Variants in JAK2 observed in about 807,000 individuals in gnomAD.
JAK2 encodes the protein Janus kinase 2.
A neutral mutation model predicts 139.3 loss-of-function variants in JAK2; 86 were observed. The observed-to-expected ratio is 0.62, with a 90% CI of 0.52 to 0.74. JAK2 has a LOEUF of 0.74. Ranked by LOEUF, JAK2 falls within the 30% of genes least tolerant of loss-of-function variation. The probability of loss-of-function intolerance (pLI) is 0.00; values close to 1 mark genes in which losing one functional copy is unlikely to be tolerated. For missense variants in JAK2, 1,421 were observed against 1,360.3 expected, an observed-to-expected ratio of 1.04 and a Z score of -0.70; for synonymous variants, 490 against 437.7, an observed-to-expected ratio of 1.12 and a Z score of -1.49.
chr9:5,044,610 T>C (rs1816865722), intron 5 of JAK2, 90 bp downstream of exon 5: 2 of 774,682 alleles, frequency 2.6e-6, no homozygotes, highest in African/African-American at 1.8e-5. Context: ...ACTTTACATA[T>C]GGGAAAATTG....
At chr9:5,078,811 AT>A (rs886849055) in intron 16 of JAK2, among the ~76,000 whole-genome samples, 3 of 151,990 alleles carry the variant, frequency 2.0e-5, no homozygotes, top group Non-Finnish European at 4.4e-5. Flanking sequence ...AGATTTTAGG[AT>A]TTTTTTCTAT....
chr9:5,049,078 T>A (rs1817232906), intron 5 of JAK2, among the ~76,000 whole-genome samples: 1 of 152,220 alleles, frequency 6.6e-6, no homozygotes, highest in South Asian at 2.1e-4. Context: ...AATATATAGT[T>A]AATAAAGTTA....
chr9:5,023,845 C>G (rs898389918), intron 3 of JAK2, among the ~76,000 whole-genome samples: 2 of 150,766 alleles, frequency 1.3e-5, no homozygotes, highest in Non-Finnish European at 3.0e-5. Flanking sequence ...TGTGTGTAGT[C>G]TCTGAAATCT....
At chr9:5,076,660 A>G (rs908900821) in intron 14 of JAK2, among the ~76,000 whole-genome samples, 1 of 152,194 alleles carries the variant, frequency 6.6e-6, no homozygotes, top group African/African-American at 2.4e-5. Context: ...CAAACTGGTA[A>G]TATCTTCGAG....
At chr9:5,041,449 C>A in intron 4 of JAK2, 2 of 616,784 alleles carry the variant, frequency 3.2e-6, no homozygotes, top group Non-Finnish European at 6.2e-6. Context: ...GCAGCAGCCT[C>A]CCCTGGCAGG....
chr9:5,089,793 G>A lies in JAK2; in HGVS notation c.2691G>A (p.Arg897=), dbSNP rs746246584. Residue 897 remains arginine (R), a synonymous_variant, in exon 20 of 25, where the codon AGG becomes AGA. Coordinates refer to ENST00000381652, the MANE Select transcript of JAK2 (RefSeq NM_004972.4). ...AAGAGCACCTAAGAGACTTTGAAAG[G>A]GAAATTGAAATCCTGAAATCCCTAC... ...STEEHLRDFE[R]EIEILKSLQH... 2.5e-6 allele frequency: 4 copies of A among 1,598,150 alleles called. No homozygotes were observed. Among genetic ancestry groups the A allele is most frequent in the Admixed American group, 1.7e-5 (1 of 57,970 alleles).
rs1270315814 is a variant in JAK2, at chr9:5,054,698, G to T, written c.750G>T (p.Leu250Phe). The change falls in exon 7 of 25, where the codon TTG becomes TTT. Residue 250 changes from leucine (L) to phenylalanine (F), a missense_variant. Leu to Phe is a conservative substitution (Grantham distance 22, BLOSUM62 0). Transcript: ENST00000381652. This position sits in a 1 kb window ranked among gnomAD's most constrained non-coding sequence, Gnocchi z 4.9. ...AATGCAAAGCCACTGCCAGAAACTT[G>T]AAACTTAAGTATCTTATAAATCTGG... The part of the protein sequence containing the change: ...FSQCKATARN[L>F]KLKYLINLET... The T allele has an allele frequency of 7.4e-6, 12 of 1,613,374 alleles. No homozygotes were observed. The highest frequency in any genetic ancestry group is 1.0e-5 in the Non-Finnish European group (12 of 1,179,444).
chr9:5,000,048 A>G (rs1471155384), intron 2 of JAK2, among the ~76,000 whole-genome samples: 1 of 152,138 alleles, frequency 6.6e-6, no homozygotes, highest in African/African-American at 2.4e-5. Flanking sequence ...TATGTTGACC[A>G]TGTTTTCATT....
intron 23 of JAK2, among the ~76,000 whole-genome samples, chr9:5,124,986 A>G (rs1002957479): frequency 6.6e-6 from 1 of 151,552 alleles, no homozygotes; most frequent in Admixed American, 6.6e-5. Flanking sequence ...GTCTCTTAAT[A>G]TTACTTTTAT....
Position 5,089,736 on chromosome 9 carries a change from G to A in JAK2, c.2634G>A (p.Val878=), listed in dbSNP as rs575580495. The change falls in exon 20 of 25, where the codon GTG becomes GTA. Residue 878 remains valine (V), a synonymous_variant. Transcript: ENST00000381652. ...CTCTACAGGACAACACTGGGGAGGT[G>A]GTCGCTGTAAAAAAGCTTCAGCATA... ...YDPLQDNTGE[V]VAVKKLQHST... is the part of the protein sequence containing the mutation. 3.2e-6 allele frequency: 5 copies of A among 1,581,286 alleles called. No individual in the cohort carries two copies. In the African/African-American group the frequency reaches 4.1e-5, roughly 13 times the overall value.
intron 3 of JAK2, among the ~76,000 whole-genome samples, chr9:5,023,688 G>A (rs1020322232): frequency 1.3e-5 from 2 of 152,082 alleles, no homozygotes; most frequent in African/African-American, 4.8e-5. Context: ...CTCCTTCCTT[G>A]CTTTTCTGTT....
chr9:4,988,256 GT>G (rs1168723361), intron 2 of JAK2, among the ~76,000 whole-genome samples: 3 of 152,128 alleles, frequency 2.0e-5, no homozygotes, highest in Non-Finnish European at 4.4e-5. Flanking sequence ...TGTGTTTTGA[GT>G]TGGTTCATGG....
chr9:5,030,558 T>C (rs1823077004), intron 4 of JAK2, among the ~76,000 whole-genome samples: 1 of 152,146 alleles, frequency 6.6e-6, no homozygotes, highest in African/African-American at 2.4e-5. Context: ...TTTGGAGCAC[T>C]GAGAAGTAAT....
chr9:5,070,125 A>G (rs1221167263), intron 12 of JAK2, 73 bp downstream of exon 12: 3 of 1,064,526 alleles, frequency 2.8e-6, no homozygotes, highest in Admixed American at 5.0e-5. Flanking sequence ...ATTTACATTC[A>G]TGTGACATTG....
chr9:5,010,890 G>A (rs986525868), intron 2 of JAK2, among the ~76,000 whole-genome samples: 1 of 152,160 alleles, frequency 6.6e-6, no homozygotes, highest in Non-Finnish European at 1.5e-5. Context: ...CCAGTAGTAT[G>A]AGAATTATTT....
chr9:5,044,019 G>A (rs559512809), intron 4 of JAK2, among the ~76,000 whole-genome samples: 2 of 152,306 alleles, frequency 1.3e-5, no homozygotes. Flanking sequence ...TGAAGGACAA[G>A]TTTTTAACTT....
chr9:5,101,886 C>T (rs745425603), intron 22 of JAK2, among the ~76,000 whole-genome samples: 1 of 152,096 alleles, frequency 6.6e-6, no homozygotes, highest in Non-Finnish European at 1.5e-5. Context: ...ACACCAAAAC[C>T]CCATCTGTAG....
At chr9:5,103,220 GCA>G (rs1821662461) in intron 22 of JAK2, among the ~76,000 whole-genome samples, 1 of 6,904 alleles carries the variant, frequency 1.4e-4, no homozygotes, top group Non-Finnish European at 2.6e-4. Context: ...CAAAGGGAAA[GCA>G]AAAAAAAAAA....
Position 4,994,353 on chromosome 9 carries a change from A to G in JAK2, c.-26+8331A>G, listed in dbSNP as rs181286539. On this transcript the variant is annotated intron_variant, in intron 2 of 24. Coordinates refer to ENST00000381652, the MANE Select transcript of JAK2 (RefSeq NM_004972.4). ...TCCTAACCCACTGGTTCTTATCAGA[A>G]TTACCTAAAGGACTTATTGAAACAC... 4.6e-5 allele frequency among the ~76,000 whole-genome samples: 7 copies of G among 152,310 alleles called. No homozygotes were observed. The East Asian group carries it at 1.2e-3, about 25-fold the overall frequency.
Sources: gnomAD v4.1 joint callset for allele counts (sites outside exome capture counted in the v4.1 genomes callset) on GRCh38, gnomAD v4.1.1 for gene constraint, Gnocchi (gnomAD v3.1) non-coding constraint, MANE v1.5 for transcripts, NCBI Gene and HGNC (gene_info 2026-07-23, HGNC 2026-07-21) for gene names.